SUGCT: variants seen among roughly 807,000 people sequenced by gnomAD.
The protein encoded by SUGCT is succinyl-CoA:glutarate CoA-transferase.
A neutral mutation model predicts 55.0 loss-of-function variants in SUGCT; 41 were observed. The observed-to-expected ratio is 0.74, with a 90% CI of 0.58 to 0.97. The LOEUF (loss-of-function observed/expected upper bound fraction) is 0.97. SUGCT is among the 50% of genes least tolerant of loss of function. SUGCT has a pLI of 0.00. For synonymous variants in SUGCT, 187 were observed against 200.4 expected (o/e 0.93, Z 0.56); for missense variants, 568 against 547.8 (o/e 1.04, Z -0.37).
At chr7:40,948,801 T>C in the SUGCT span, among the ~76,000 whole-genome samples, 2 of 152,222 alleles carry the variant, frequency 1.3e-5, no homozygotes, top group Non-Finnish European at 2.9e-5. Flanking sequence ...TTTTTATGGC[T>C]GCATAGTATT....
intron 9 of SUGCT, among the ~76,000 whole-genome samples, chr7:40,359,182 T>C (rs1798028737): frequency 6.6e-6 from 1 of 152,142 alleles, no homozygotes; most frequent in Non-Finnish European, 1.5e-5. Flanking sequence ...TATGTATGTA[T>C]GTATGTATAT....
At chr7:41,001,404 T>A in the SUGCT span, among the ~76,000 whole-genome samples, 1 of 151,926 alleles carries the variant, frequency 6.6e-6, no homozygotes, top group Non-Finnish European at 1.5e-5. Context: ...GGAATAGAAG[T>A]CTTGTTGGAA....
chr7:40,486,783 T>C (rs1583808413), intron 11 of SUGCT, among the ~76,000 whole-genome samples: 2 of 150,490 alleles, frequency 1.3e-5, no homozygotes, highest in East Asian at 3.9e-4. Context: ...TAGAATGCAG[T>C]GGTATAATCA....
chr7:40,187,894 G>A (rs1314540037), intron 3 of SUGCT, among the ~76,000 whole-genome samples: 14 of 152,106 alleles, frequency 9.2e-5, no homozygotes, highest in Admixed American at 1.3e-4. Flanking sequence ...GCTGGGTGCG[G>A]TGGCTCATAC....
the SUGCT span, among the ~76,000 whole-genome samples, chr7:41,032,719 T>A: frequency 6.6e-6 from 1 of 152,138 alleles, no homozygotes; most frequent in African/African-American, 2.4e-5. Flanking sequence ...GCTCCTGAAG[T>A]GAGTGCTTTT....
At chr7:40,626,506 C>T (rs1584157157) in intron 12 of SUGCT, among the ~76,000 whole-genome samples, 2 of 151,970 alleles carry the variant, frequency 1.3e-5, no homozygotes, top group South Asian at 4.1e-4. Context: ...CCCGCCTCAG[C>T]CTCTCAAAGT....
intron 11 of SUGCT, among the ~76,000 whole-genome samples, chr7:40,487,374 T>C (rs887708073): frequency 6.6e-6 from 1 of 150,580 alleles, no homozygotes; most frequent in Non-Finnish European, 1.5e-5. Context: ...CCCAAAGTGC[T>C]GGGATTACAG....
the SUGCT span, among the ~76,000 whole-genome samples, chr7:41,038,232 G>A: frequency 6.6e-6 from 1 of 152,164 alleles, no homozygotes; most frequent in African/African-American, 2.4e-5. Context: ...GTAAGTAGAA[G>A]GTTGCTACAG....
At chr7:40,176,323 G>T (rs1275721518) in intron 1 of SUGCT, among the ~76,000 whole-genome samples, 1 of 152,070 alleles carries the variant, frequency 6.6e-6, no homozygotes, top group Non-Finnish European at 1.5e-5. Context: ...TGTGTACAAT[G>T]AGTCAGTAAA....
intron 9 of SUGCT, among the ~76,000 whole-genome samples, chr7:40,367,827 C>G (rs1413597127): frequency 6.6e-6 from 1 of 152,152 alleles, no homozygotes; most frequent in African/African-American, 2.4e-5. Context: ...CGTCATGTCA[C>G]CCAACTGATT....
rs377215730 is a variant in SUGCT at position 40,324,261 on chromosome 7, A to ATATATATATATATT, written c.816+7409_816+7410insATATATATATTTAT. ...AATAAATAAATAAATAAATATATAT[A>ATATATATATATATT]TATTTATTTTTTGAGACAGAGTCTT... On this transcript the variant is annotated intron_variant, in intron 9 of 13. Coordinates refer to ENST00000335693, the MANE Select transcript of SUGCT (RefSeq NM_001193313.2). Among the ~76,000 whole-genome samples, 883 of 99,818 alleles carry ATATATATATATATT rather than the reference A, an allele frequency of 8.8e-3. 25 individuals are homozygous for ATATATATATATATT. Among genetic ancestry groups the ATATATATATATATT allele is most frequent in the African/African-American group, 0.026 (654 of 25,072 alleles). The allele number at this position is 99,818 out of a possible 152,430, so 65.5% of individuals were successfully genotyped here. A position where few individuals can be genotyped will look rare whatever the true frequency, so the allele number is the denominator to read the frequency against.
chr7:40,862,695 G>C (rs1235557118), downstream of SUGCT, among the ~76,000 whole-genome samples: 1 of 151,594 alleles, frequency 6.6e-6, no homozygotes, highest in African/African-American at 2.4e-5. Flanking sequence ...TACAGAATTG[G>C]AAGTGTGTCC....
intron 12 of SUGCT, among the ~76,000 whole-genome samples, chr7:40,695,531 G>T (rs192339078): frequency 2.6e-5 from 4 of 152,154 alleles, no homozygotes; most frequent in East Asian, 3.9e-4. Flanking sequence ...GTTTCTTGGA[G>T]AATTTAATAT....
At chr7:40,797,919 G>A (rs1277338535) in intron 13 of SUGCT, among the ~76,000 whole-genome samples, 1 of 152,172 alleles carries the variant, frequency 6.6e-6, no homozygotes, top group Non-Finnish European at 1.5e-5. Flanking sequence ...CTTGCCCTAT[G>A]GCCAACTCAT....
chr7:40,700,000 C>CT (rs59032833), intron 12 of SUGCT, among the ~76,000 whole-genome samples: 48,010 of 151,990 alleles, frequency 0.32, 7,938 homozygotes, highest in African/African-American at 0.42. Context: ...CTTTTTTCCC[C>CT]TTTTAGTAGA....
intron 12 of SUGCT, among the ~76,000 whole-genome samples, chr7:40,550,296 G>A (rs984606230): frequency 2.6e-5 from 4 of 152,162 alleles, no homozygotes; most frequent in African/African-American, 7.2e-5. Flanking sequence ...GTATCTCTTC[G>A]TATAGGGAAG....
At chr7:40,411,345 A>G (rs1786677598) in intron 9 of SUGCT, among the ~76,000 whole-genome samples, 1 of 152,244 alleles carries the variant, frequency 6.6e-6, no homozygotes, top group African/African-American at 2.4e-5. Flanking sequence ...GTGAGCCGAG[A>G]TCGTGCCACT....
At chr7:40,949,515 C>A in the SUGCT span, among the ~76,000 whole-genome samples, 16 of 152,096 alleles carry the variant, frequency 1.1e-4, no homozygotes, top group African/African-American at 3.6e-4. Context: ...GTGTTTTAGT[C>A]GTGAAGTCTT....
At chr7:40,599,033 C>G (rs1798163283) in intron 12 of SUGCT, among the ~76,000 whole-genome samples, 1 of 152,162 alleles carries the variant, frequency 6.6e-6, no homozygotes, top group South Asian at 2.1e-4. Flanking sequence ...TAAATGGGGC[C>G]TACCTTCCTC....
Sources: allele counts gnomAD v4.1 joint callset (sites outside exome capture counted in the v4.1 genomes callset), GRCh38; gene constraint gnomAD v4.1.1; transcripts MANE v1.5; gene names NCBI Gene and HGNC (gene_info 2026-07-23, HGNC 2026-07-21).